ZNF875: variants seen among roughly 807,000 people sequenced by gnomAD.
The protein encoded by ZNF875 is HKR1, GLI-Kruppel zinc finger family member.
A neutral mutation model predicts 11.2 loss-of-function variants in ZNF875; 14 were observed. The ratio of observed to expected loss-of-function variants is 1.26; its 90% CI spans 0.83 to 1.96. The LOEUF is 1.96. ZNF875 is among the 30% of genes most tolerant of loss of function. The pLI is 0.00. For missense variants in ZNF875, 752 were observed against 760.4 expected (o/e 0.99, Z 0.13); for synonymous variants, 301 against 281.1 (o/e 1.07, Z -0.71).
intron 2 of ZNF875, among the ~76,000 whole-genome samples, chr19:37,340,723 A>G (rs2035542618): frequency 7.3e-6 from 1 of 137,864 alleles, no homozygotes; most frequent in Non-Finnish European, 1.5e-5. Flanking sequence ...ATCTCAGCTC[A>G]CTGCAAGCTC....
rs545943558 is a variant in ZNF875 at position 37,325,712 on chromosome 19, A to AT, written c.-603+1459dup. The stretch of plus-strand genomic sequence containing the variant: ...AGGCACACACCACCATGCCATGCTA[A>AT]TTTTTTTTTTTTAAAGGCTGGGTCT... On this transcript the variant is annotated intron_variant, in intron 4 of 5. Transcript: ENST00000544914. Among the ~76,000 whole-genome samples the AT allele has an allele frequency of 9.6e-3, 1,409 of 146,370 alleles. 13 individuals are homozygous for AT. Among genetic ancestry groups the AT allele is most frequent in the Non-Finnish European group, 0.011 (746 of 66,046 alleles).
chr19:37,362,497 G>T lies in ZNF875; in HGVS notation c.645G>T (p.Leu215Phe). Residue 215 changes from leucine (L) to phenylalanine (F), a missense_variant, in exon 5 of 5, where the codon TTG becomes TTT. Transcript: ENST00000392153. ...ATCTAGAGGAAACAGACAAAGTATT[G>T]CATGGTTTAGAAGTCTCAGGATTTG... ...RADLEETDKV[L>F]HGLEVSGFGE... The T allele has an allele frequency of 6.2e-7, 1 of 1,614,208 alleles. No individual in the cohort carries two copies. Among genetic ancestry groups the T allele is most frequent in the Non-Finnish European group, 8.5e-7 (1 of 1,180,034 alleles).
chr19:37,338,639 G>A (rs2035021470), intron 2 of ZNF875, among the ~76,000 whole-genome samples: 1 of 152,234 alleles, frequency 6.6e-6, no homozygotes, highest in African/African-American at 2.4e-5. Context: ...TAAAGGGCAT[G>A]AGCATTTAAA....
At chr19:37,350,192 A>G (rs1453276969) in intron 4 of ZNF875, among the ~76,000 whole-genome samples, 8 of 136,072 alleles carry the variant, frequency 5.9e-5, no homozygotes, top group African/African-American at 1.1e-4. Flanking sequence ...GCTCACTGCA[A>G]CCTCCGCCTA....
intron 4 of ZNF875, chr19:37,359,836 T>C (rs1454559281): frequency 2.0e-5 from 3 of 152,980 alleles, no homozygotes; most frequent in Admixed American, 2.0e-4. Context: ...ACAAGTCCTA[T>C]ATCAATATAG....
intron 4 of ZNF875, among the ~76,000 whole-genome samples, chr19:37,355,201 GT>G (rs1255697905): frequency 6.6e-6 from 1 of 151,734 alleles, no homozygotes; most frequent in Non-Finnish European, 1.5e-5. Context: ...TTTTGTTTTT[GT>G]TTTTTGAGAC....
chr19:37,329,408 G>A (rs1265206009), intron 4 of ZNF875, among the ~76,000 whole-genome samples: 1 of 152,140 alleles, frequency 6.6e-6, no homozygotes, highest in African/African-American at 2.4e-5. Context: ...GATGCTGTGT[G>A]CGTGTTCTGA....
Position 37,339,544 on chromosome 19 carries a change from G to GTTT in ZNF875, c.33+4305_33+4307dup, listed in dbSNP as rs572775539. 4.5e-3 allele frequency among the ~76,000 whole-genome samples: 523 copies of GTTT among 115,730 alleles called. 30 individuals are homozygous for GTTT. The highest frequency in any genetic ancestry group is 6.9e-3 in the African/African-American group (206 of 29,744). 75.9% of individuals were successfully genotyped at this position (115,730 alleles called of 152,430 possible). On this transcript the variant is annotated intron_variant, in intron 2 of 4. Transcript: ENST00000392153. ...GCAGTTGGAGATTTGAACCCTGCCA[G>GTTT]TTTTTTTTTTTTTTTTTTTTGAGAC...
chr19:37,336,629 C>T (rs553305860), intron 2 of ZNF875, among the ~76,000 whole-genome samples: 9 of 151,770 alleles, frequency 5.9e-5, no homozygotes, highest in African/African-American at 2.2e-4. Context: ...TCAACCTTGG[C>T]CAGGCGTGGT....
At chr19:37,321,632 CCACCCGACAAGAAA>C (rs1285162204) in intron 1 of ZNF875, among the ~76,000 whole-genome samples, 2 of 152,104 alleles carry the variant, frequency 1.3e-5, no homozygotes, top group African/African-American at 4.8e-5. Flanking sequence ...GTTTCCCGTC[CCACCCGACAAGAAA>C]CACCCTCAGG....
At chr19:37,354,824 G>C (rs924194442) in intron 4 of ZNF875, among the ~76,000 whole-genome samples, 2 of 152,128 alleles carry the variant, frequency 1.3e-5, no homozygotes, top group Admixed American at 1.3e-4. Context: ...TCTGATGTTT[G>C]GCCTCTTTGC....
chr19:37,337,270 G>A (rs1382573458), intron 2 of ZNF875: 1 of 152,162 alleles, frequency 6.6e-6, no homozygotes, highest in Admixed American at 6.6e-5. Context: ...CCCCTGAAGG[G>A]TTTGCCTTTT....
chr19:37,325,916 C>T (rs1299767686), intron 4 of ZNF875, among the ~76,000 whole-genome samples: 2 of 152,114 alleles, frequency 1.3e-5, no homozygotes, highest in African/African-American at 4.8e-5. Context: ...AGCATGTTGT[C>T]CAGGCTGGTC....
At chr19:37,338,673 G>T (rs946407327) in intron 2 of ZNF875, among the ~76,000 whole-genome samples, 1 of 152,218 alleles carries the variant, frequency 6.6e-6, no homozygotes, top group Non-Finnish European at 1.5e-5. Flanking sequence ...TGAAACCTCT[G>T]TGTCTCTCAT....
chr19:37,343,908 G>A (rs891868562), intron 2 of ZNF875, among the ~76,000 whole-genome samples: 45 of 152,072 alleles, frequency 3.0e-4, no homozygotes, highest in African/African-American at 1.1e-3. Flanking sequence ...AAGTAACTTA[G>A]CCTATATAAA....
chr19:37,358,826 A>T (rs1160909817), intron 4 of ZNF875, among the ~76,000 whole-genome samples: 1 of 150,588 alleles, frequency 6.6e-6, no homozygotes, highest in Non-Finnish European at 1.5e-5. Context: ...GCCAGTTCTC[A>T]CTTTTTAAAA....
Position 37,341,392 on chromosome 19 carries a change from A to G in ZNF875, c.34-5798A>G, listed in dbSNP as rs531605134. Among the ~76,000 whole-genome samples, 6 of 152,180 alleles carry G rather than the reference A, an allele frequency of 3.9e-5. No homozygotes were observed. The South Asian group carries it at 1.0e-3, about 26-fold the overall frequency. On this transcript the variant is annotated intron_variant, in intron 2 of 4. Transcript: ENST00000392153. ...TTTGACCAGGGCTGGAGGACTATCC[A>G]TGTGTGACAGGAAGCTGGTTGGCTG...
At chr19:37,329,513 T>C (rs1386934960) in intron 4 of ZNF875, among the ~76,000 whole-genome samples, 3 of 152,192 alleles carry the variant, frequency 2.0e-5, no homozygotes, top group Non-Finnish European at 4.4e-5. Context: ...GTGCAGTTTG[T>C]CTCTACTGGG....
intron 4 of ZNF875, among the ~76,000 whole-genome samples, chr19:37,325,317 A>G (rs6508713): frequency 1.3e-5 from 2 of 151,362 alleles, no homozygotes; most frequent in Admixed American, 6.6e-5. Flanking sequence ...ATCCACCTCT[A>G]TTGTGGTTCT....
Sources: gnomAD v4.1 joint callset for allele counts (sites outside exome capture counted in the v4.1 genomes callset) on GRCh38, gnomAD v4.1.1 for gene constraint, MANE v1.5 for transcripts, NCBI Gene and HGNC (gene_info 2026-07-23, HGNC 2026-07-21) for gene names.